The following MARCHF1 variants were observed in gnomAD, a reference collection of about 807,000 sequenced individuals.
MARCHF1 encodes membrane associated ring-CH-type finger 1.
Under a neutral mutation model 54.2 loss-of-function variants are expected in MARCHF1, and 40 were observed. That is an observed-to-expected ratio of 0.74 (90% CI 0.57 to 0.96). The LOEUF is 0.96. Ranked by LOEUF, MARCHF1 falls within the 40% of genes least tolerant of loss-of-function variation. MARCHF1 has a pLI of 0.00. For synonymous variants in MARCHF1, 236 were observed against 236.3 expected, an observed-to-expected ratio of 1.00 and a Z score of 0.01; for missense variants, 586 against 656.5, an observed-to-expected ratio of 0.89 and a Z score of 1.17.
At chr4:163,815,184 G>A (rs1396773010) in intron 4 of MARCHF1, among the ~76,000 whole-genome samples, 1 of 152,054 alleles carries the variant, frequency 6.6e-6, no homozygotes, top group Non-Finnish European at 1.5e-5. Context: ...ATCATAACAT[G>A]TCCTCACAAT....
chr4:164,207,090 C>A (rs990019803), intron 1 of MARCHF1, among the ~76,000 whole-genome samples: 1 of 152,148 alleles, frequency 6.6e-6, no homozygotes, highest in Non-Finnish European at 1.5e-5. Flanking sequence ...ATAGAAAGTT[C>A]TTTTCCTCAT....
chr4:164,357,857 T>C (rs1247219471), intron 1 of MARCHF1, among the ~76,000 whole-genome samples: 1 of 152,094 alleles, frequency 6.6e-6, no homozygotes, highest in African/African-American at 2.4e-5. Context: ...TTTTAAGAAA[T>C]AATTTTTCCC....
In MARCHF1 at chr4:164,168,025, T is replaced by C. The variant is rs111741903; in HGVS notation, c.-322-56363A>G. ...ACATATTTGTAAAACAAACATCTGG[T>C]AAGGGGTTAATATTTAAAATTTATA... On this transcript the variant is annotated intron_variant, in intron 1 of 9. Coordinates refer to ENST00000514618, the MANE Select transcript of MARCHF1 (RefSeq NM_001394959.1). 1.1e-4 allele frequency among the ~76,000 whole-genome samples: 17 copies of C among 152,022 alleles called. 1 individual carries two copies. The highest frequency in any genetic ancestry group is 3.6e-4 in the African/African-American group (15 of 41,504).
intron 5 of MARCHF1, among the ~76,000 whole-genome samples, chr4:163,661,682 G>A (rs77513384): frequency 0.043 from 6,585 of 152,100 alleles, 268 homozygotes; most frequent in African/African-American, 0.093. Flanking sequence ...TTTGAGAAAT[G>A]TGTAGATGTT....
intron 3 of MARCHF1, among the ~76,000 whole-genome samples, chr4:163,893,901 A>G (rs923961039): frequency 6.6e-6 from 1 of 152,188 alleles, no homozygotes; most frequent in African/African-American, 2.4e-5. Flanking sequence ...GCTCACAGGC[A>G]GCATGAAGGA....
At chr4:164,112,566 C>T (rs1437123247) in intron 1 of MARCHF1, among the ~76,000 whole-genome samples, 1 of 151,820 alleles carries the variant, frequency 6.6e-6, no homozygotes, top group Non-Finnish European at 1.5e-5. Context: ...AGAGTTGTAT[C>T]TGTTTATGAA....
intron 4 of MARCHF1, among the ~76,000 whole-genome samples, chr4:163,836,310 A>G (rs910168532): frequency 1.3e-5 from 2 of 150,912 alleles, no homozygotes; most frequent in African/African-American, 4.9e-5. Context: ...CAGTGGCACA[A>G]TCTCGGCTCA....
Position 163,854,137 on chromosome 4 carries a change from CCT to C in MARCHF1, c.-8_-7del. On this transcript the variant is annotated 5_prime_UTR_variant, in exon 4 of 10. Transcript: ENST00000514618. The stretch of plus-strand genomic sequence containing the variant: ...GCTTCACACCAGCCCAGCATTTTCT[CCT>C]TCCTCTTATCCCTTTTCAATTTCTG... 1 of 1,532,530 alleles carries C rather than the reference CCT, an allele frequency of 6.5e-7. No homozygotes were observed. The highest frequency in any genetic ancestry group is 8.7e-7 in the Non-Finnish European group (1 of 1,144,358). The allele number at this position is 1,532,530 out of a possible 1,614,324, so 94.9% of individuals were successfully genotyped here.
chr4:164,173,277 T>G (rs562172431), intron 1 of MARCHF1, among the ~76,000 whole-genome samples: 5 of 150,406 alleles, frequency 3.3e-5, no homozygotes, highest in African/African-American at 1.2e-4. Context: ...TCAATAAAAT[T>G]AACAATTGGT....
intron 2 of MARCHF1, among the ~76,000 whole-genome samples, chr4:164,095,565 T>C (rs1008318312): frequency 2.0e-5 from 3 of 152,076 alleles, no homozygotes; most frequent in African/African-American, 7.2e-5. Flanking sequence ...ATTTAAGTGA[T>C]TTTTGATACT....
intron 4 of MARCHF1, among the ~76,000 whole-genome samples, chr4:163,703,995 G>A (rs1193675560): frequency 1.3e-5 from 2 of 151,616 alleles, no homozygotes; most frequent in South Asian, 2.1e-4. Flanking sequence ...AAAACGAAGT[G>A]GTCTGTCCTA....
At chr4:163,742,652 A>AT (rs146477132) in intron 4 of MARCHF1, among the ~76,000 whole-genome samples, 46,558 of 151,156 alleles carry the variant, frequency 0.31, 8,853 homozygotes, top group Non-Finnish European at 0.44. Context: ...AAATTTTTTT[A>AT]TTTTTTGTAG....
At chr4:163,864,657 G>C (rs2111199917) in intron 3 of MARCHF1, among the ~76,000 whole-genome samples, 1 of 151,972 alleles carries the variant, frequency 6.6e-6, no homozygotes, top group Non-Finnish European at 1.5e-5. Context: ...GGAACTCCTT[G>C]CAATAGGTTT....
intron 1 of MARCHF1, among the ~76,000 whole-genome samples, chr4:164,208,933 AT>A (rs1240804291): frequency 1.3e-5 from 2 of 151,838 alleles, no homozygotes; most frequent in South Asian, 4.2e-4. Context: ...CAACAGAGTA[AT>A]ACCCTGTTTC....
intron 2 of MARCHF1, among the ~76,000 whole-genome samples, chr4:164,002,199 G>A (rs1237053599): frequency 6.6e-6 from 1 of 151,506 alleles, no homozygotes; most frequent in Non-Finnish European, 1.5e-5. Context: ...AATAAGACAT[G>A]ACTAGATATA....
intron 1 of MARCHF1, among the ~76,000 whole-genome samples, chr4:164,155,343 A>AAG (rs1194479520): frequency 1.3e-5 from 2 of 151,986 alleles, no homozygotes; most frequent in African/African-American, 4.8e-5. Context: ...TCAAAAAAAA[A>AAG]AGAAATGCAT....
chr4:164,289,968 C>G (rs767812100), intron 1 of MARCHF1, among the ~76,000 whole-genome samples: 2 of 151,824 alleles, frequency 1.3e-5, no homozygotes, highest in Non-Finnish European at 2.9e-5. Flanking sequence ...TCATGTATTC[C>G]CCTAAGGCTT....
intron 2 of MARCHF1, among the ~76,000 whole-genome samples, chr4:164,043,351 G>A (rs1019009720): frequency 1.3e-5 from 2 of 152,142 alleles, no homozygotes; most frequent in African/African-American, 4.8e-5. Flanking sequence ...TGCACTTGCA[G>A]GCCCAATACC....
At chr4:163,984,299 T>C (rs1373724549) in intron 3 of MARCHF1, among the ~76,000 whole-genome samples, 2 of 151,972 alleles carry the variant, frequency 1.3e-5, no homozygotes, top group Non-Finnish European at 2.9e-5. Flanking sequence ...GTAAAGAAAA[T>C]GTACATATAA....
Sources: allele counts gnomAD v4.1 joint callset (sites outside exome capture counted in the v4.1 genomes callset), GRCh38; gene constraint gnomAD v4.1.1; transcripts MANE v1.5; gene names NCBI Gene and HGNC (gene_info 2026-07-23, HGNC 2026-07-21).